The following RPTOR variants were observed in gnomAD, a reference collection of about 807,000 sequenced individuals.
The protein encoded by RPTOR is regulatory-associated protein of mTOR.
RPTOR carries 21 observed loss-of-function variants against 169.9 expected under a neutral mutation model. The observed-to-expected ratio is 0.12, with a 90% CI of 0.09 to 0.18. RPTOR has a LOEUF of 0.18. Among genes scored for constraint, RPTOR ranks in the 10% least tolerant of loss-of-function variants. The probability of loss-of-function intolerance (pLI) is 1.00; values close to 1 mark genes in which losing one functional copy is unlikely to be tolerated. For missense variants in RPTOR, 1,133 were observed against 1,855.9 expected (o/e 0.61, Z 7.16); for synonymous variants, 732 against 753.2 (o/e 0.97, Z 0.46).
rs1041260807 is a variant in RPTOR, at chr17:80,820,381, G to A, written c.891-1820G>A. ...TGTTGGGGCTCCATGTCCACCCCAC[G>A]ATGCCCCCCGTGCCCCTTCTCCGTG... On this transcript the variant is annotated intron_variant, in intron 7 of 33. Coordinates refer to ENST00000306801, the MANE Select transcript of RPTOR (RefSeq NM_020761.3). This position sits in a 1 kb window ranked among gnomAD's most constrained non-coding sequence, Gnocchi z 4.1. 1.3e-5 allele frequency among the ~76,000 whole-genome samples: 2 copies of A among 152,172 alleles called. No individual in the cohort carries two copies. The highest frequency in any genetic ancestry group is 6.5e-5 in the Admixed American group (1 of 15,274).
At chr17:80,570,740 C>T (rs75398920) in intron 1 of RPTOR, among the ~76,000 whole-genome samples, 36,080 of 152,062 alleles carry the variant, frequency 0.24, 5,341 homozygotes, top group East Asian at 0.42. Context: ...GGATTACAGG[C>T]GTGAGCTACC....
In RPTOR at chr17:80,838,810, A is replaced by C. The variant is rs2067595302; in HGVS notation, c.1212+813A>C. Among the ~76,000 whole-genome samples, 11 of 152,236 alleles carry C rather than the reference A, an allele frequency of 7.2e-5. No individual in the cohort carries two copies. The South Asian group carries it at 2.3e-3, about 31-fold the overall frequency. ...GTCAGGCTCCAGAGCCACAGAGCCT[A>C]GCTTTGCCACCGAGGGCAAGTTTGG... On this transcript the variant is annotated intron_variant, in intron 10 of 33. Coordinates refer to ENST00000306801, the MANE Select transcript of RPTOR (RefSeq NM_020761.3).
rs2068952795 is a variant in RPTOR, at chr17:80,936,167, C to T, written c.2920-4329C>T. 6.6e-6 allele frequency among the ~76,000 whole-genome samples: 1 copy of T among 152,228 alleles called. No homozygotes were observed. Among genetic ancestry groups the T allele is most frequent in the Admixed American group, 6.5e-5 (1 of 15,292 alleles). On this transcript the variant is annotated intron_variant, in intron 24 of 33. Transcript: ENST00000306801. This position sits in a 1 kb window ranked among gnomAD's most constrained non-coding sequence, Gnocchi z 4.1. ...GGACCCCTGCAGTGAGATCCCACTA[C>T]ACACCTGTTAGAATGTCTCGAATCT...
At chr17:80,733,359 AG>A (rs1160559253) in intron 5 of RPTOR, among the ~76,000 whole-genome samples, 52 of 152,366 alleles carry the variant, frequency 3.4e-4, no homozygotes, top group African/African-American at 1.2e-3. Flanking sequence ...TTTATAAATA[AG>A]TATATTTTAC....
chr17:80,599,024 C>G (rs1463747932), intron 1 of RPTOR, among the ~76,000 whole-genome samples: 1 of 152,120 alleles, frequency 6.6e-6, no homozygotes, highest in Non-Finnish European at 1.5e-5. Flanking sequence ...TCCTCCCACC[C>G]CAGCCCCCCG....
chr17:80,903,768 T>C (rs1440641276), intron 20 of RPTOR, among the ~76,000 whole-genome samples: 1 of 152,104 alleles, frequency 6.6e-6, no homozygotes, highest in Admixed American at 6.5e-5. Flanking sequence ...CCTCGAGGTC[T>C]GGGTTTCAGG....
rs570789701 is a variant in RPTOR at position 80,860,857 on chromosome 17, G to A, written c.1509+2957G>A. Among the ~76,000 whole-genome samples, 9 of 151,930 alleles carry A rather than the reference G, an allele frequency of 5.9e-5. No homozygotes were observed. The highest frequency in any genetic ancestry group is 7.4e-5 in the Non-Finnish European group (5 of 68,012). On this transcript the variant is annotated intron_variant, in intron 13 of 33. Transcript: ENST00000306801. The surrounding 1 kb of genome is among the most constrained non-coding windows in gnomAD (Gnocchi z 5.8). ...GACCATGGCTCTGCTGGCACGGGTC[G>A]GCTACCGTGCTTGCCATCTCTCCCA...
intron 3 of RPTOR, among the ~76,000 whole-genome samples, chr17:80,683,253 G>C (rs186149856): frequency 1.9e-3 from 288 of 152,210 alleles, no homozygotes; most frequent in Middle Eastern, 0.014. Flanking sequence ...TGAAGGATGC[G>C]GGCCAGTTCA....
At chr17:80,751,401 C>T (rs866460891) in intron 5 of RPTOR, among the ~76,000 whole-genome samples, 4 of 152,254 alleles carry the variant, frequency 2.6e-5, no homozygotes, top group African/African-American at 9.6e-5. Flanking sequence ...GTGTCCTCGT[C>T]GTCACAGCTC....
chr17:80,694,856 C>T (rs1441919959), intron 3 of RPTOR, among the ~76,000 whole-genome samples: 2 of 152,124 alleles, frequency 1.3e-5, no homozygotes, highest in East Asian at 3.9e-4. Flanking sequence ...TTGGCCTTCT[C>T]GAGGGGAAGG....
rs747545472 is a variant in RPTOR, at chr17:80,730,568, G to C, written c.516G>C (p.Thr172=). ...CTTTGTGTGTTTTCTAGAACTACAC[G>C]CAGTACATCCCTCTGTCCATATATG... ...GEVWVFNKNY[T]QYIPLSIYDL... is the part of the protein sequence containing the mutation. The change falls in exon 5 of 34, where the codon ACG becomes ACC. Residue 172 remains threonine, a synonymous_variant. Transcript: ENST00000306801. This position sits in a 1 kb window ranked among gnomAD's most constrained non-coding sequence, Gnocchi z 4.2. 6.2e-7 allele frequency: 1 copy of C among 1,613,770 alleles called. No homozygotes were observed. The highest frequency in any genetic ancestry group is 1.3e-5 in the African/African-American group (1 of 75,048).
In RPTOR at chr17:80,625,559, C is replaced by T. The variant is rs982220709; in HGVS notation, c.163-132C>T. Reference sequence around the variant, plus strand: ...AGGGCTGGGGTAGCCAGGTGACAGGCGGAGGACTGGCTGGAGGGCAGGTGG... The same window carrying T: ...AGGGCTGGGGTAGCCAGGTGACAGGTGGAGGACTGGCTGGAGGGCAGGTGG... On this transcript the variant is annotated intron_variant, in intron 1 of 33. Coordinates refer to ENST00000306801, the MANE Select transcript of RPTOR (RefSeq NM_020761.3). 2.1e-5 allele frequency: 14 copies of T among 673,698 alleles called. 1 individual carries two copies. The highest frequency in any genetic ancestry group is 8.9e-5 in the South Asian group (5 of 56,274). 41.7% of individuals were successfully genotyped at this position (673,698 alleles called of 1,614,324 possible).
chr17:80,850,091 A>G (rs958980137), intron 11 of RPTOR, among the ~76,000 whole-genome samples: 2 of 152,242 alleles, frequency 1.3e-5, no homozygotes. Context: ...GATCCAGGGT[A>G]TACGGGTGCA....
At chr17:80,870,751 A>AT (rs534770507) in intron 13 of RPTOR, among the ~76,000 whole-genome samples, 2 of 152,122 alleles carry the variant, frequency 1.3e-5, no homozygotes, top group African/African-American at 4.8e-5. Context: ...AACAAATTTT[A>AT]TTTTTTTAGA....
chr17:80,549,437 G>GT (rs767540625), intron 1 of RPTOR, among the ~76,000 whole-genome samples: 1 of 152,112 alleles, frequency 6.6e-6, no homozygotes, highest in Non-Finnish European at 1.5e-5. Context: ...AGCCTCCCGA[G>GT]TAGCTGGGAT....
At chr17:80,932,877 T>G (rs1283458463) in intron 24 of RPTOR, among the ~76,000 whole-genome samples, 3 of 152,018 alleles carry the variant, frequency 2.0e-5, no homozygotes, top group Admixed American at 2.0e-4. Flanking sequence ...AAACCAAAGA[T>G]AAAGAGAAAA....
At chr17:80,865,971 ATAG>A (rs1298101867) in intron 13 of RPTOR, among the ~76,000 whole-genome samples, 3 of 152,172 alleles carry the variant, frequency 2.0e-5, no homozygotes, top group Non-Finnish European at 4.4e-5. Context: ...TCAATAATAG[ATAG>A]TAGGAATGTC....
chr17:80,743,781 AGAG>A (rs2066514834), intron 5 of RPTOR, among the ~76,000 whole-genome samples: 7 of 118,900 alleles, frequency 5.9e-5, no homozygotes, highest in Admixed American at 1.6e-4. Flanking sequence ...GGTTACTAGC[AGAG>A]CCCTGGCTAC....
intron 1 of RPTOR, among the ~76,000 whole-genome samples, chr17:80,558,028 A>C (rs1411217973): frequency 2.0e-5 from 3 of 152,062 alleles, no homozygotes; most frequent in Non-Finnish European, 4.4e-5. Flanking sequence ...GGCTGGGCAC[A>C]GTGGCTGATG....
Sources: gnomAD v4.1 joint callset for allele counts (sites outside exome capture counted in the v4.1 genomes callset) on GRCh38, gnomAD v4.1.1 for gene constraint, Gnocchi (gnomAD v3.1) non-coding constraint, MANE v1.5 for transcripts, NCBI Gene and HGNC (gene_info 2026-07-23, HGNC 2026-07-21) for gene names.